Variants in PCED1B observed in about 807,000 individuals in gnomAD.
PCED1B encodes the protein PC-esterase domain-containing protein 1B.
For synonymous variants in PCED1B, 251 were observed against 246.1 expected (o/e 1.02, Z -0.19); for missense variants, 573 against 573.9 (o/e 1.00, Z 0.02).
At chr12:47,112,646 G>T (rs527673910) in intron 2 of PCED1B, among the ~76,000 whole-genome samples, 1 of 152,190 alleles carries the variant, frequency 6.6e-6, no homozygotes, top group Admixed American at 6.5e-5. Flanking sequence ...CTACTTCCAG[G>T]GTACATTATT....
At chr12:47,211,668 A>C (rs1943086061) in intron 2 of PCED1B, among the ~76,000 whole-genome samples, 1 of 150,316 alleles carries the variant, frequency 6.7e-6, no homozygotes, top group Non-Finnish European at 1.5e-5. Context: ...AAAAAAAAAA[A>C]AAAAAAAAAC....
intron 1 of PCED1B, among the ~76,000 whole-genome samples, chr12:47,095,206 T>A (rs1443722070): frequency 2.6e-5 from 4 of 152,062 alleles, no homozygotes; most frequent in Non-Finnish European, 5.9e-5. Flanking sequence ...TTGAAGGATA[T>A]GATTGCAAGA....
At chr12:47,190,531 G>A (rs61927719) in intron 2 of PCED1B, among the ~76,000 whole-genome samples, 16,130 of 152,304 alleles carry the variant, frequency 0.11, 1,119 homozygotes, top group Non-Finnish European at 0.16. Flanking sequence ...ACCAGTTTCA[G>A]TGGGAAACCC....
At chr12:47,171,382 A>G (rs537106770) in intron 2 of PCED1B, among the ~76,000 whole-genome samples, 2 of 152,206 alleles carry the variant, frequency 1.3e-5, no homozygotes, top group South Asian at 4.1e-4. Flanking sequence ...CTACTTTCAA[A>G]TACTTTTTTT....
intron 2 of PCED1B, among the ~76,000 whole-genome samples, chr12:47,123,271 G>A (rs751358765): frequency 7.9e-5 from 12 of 152,056 alleles, no homozygotes; most frequent in Admixed American, 7.2e-4. Context: ...TCATGTTACC[G>A]AACACTAAAA....
chr12:47,170,043 G>A (rs1382725801), intron 2 of PCED1B, among the ~76,000 whole-genome samples: 6 of 151,932 alleles, frequency 3.9e-5, no homozygotes, highest in African/African-American at 4.8e-5. Context: ...GGGCCCTGCC[G>A]CCTTCCACAG....
At chr12:47,115,734 G>T (rs1489969353) in intron 2 of PCED1B, among the ~76,000 whole-genome samples, 2 of 152,190 alleles carry the variant, frequency 1.3e-5, no homozygotes, top group Non-Finnish European at 2.9e-5. Flanking sequence ...GTAATGACAT[G>T]ATGATGGTCT....
chr12:47,219,341 A>G (rs12308612), intron 3 of PCED1B, among the ~76,000 whole-genome samples: 1 of 152,208 alleles, frequency 6.6e-6, no homozygotes, highest in Non-Finnish European at 1.5e-5. Context: ...TAGCACAAAG[A>G]TAAAGTAAGC....
chr12:47,096,668 G>C (rs1399892449), intron 1 of PCED1B, among the ~76,000 whole-genome samples: 1 of 152,210 alleles, frequency 6.6e-6, no homozygotes, highest in African/African-American at 2.4e-5. Context: ...ATTGCTTTAA[G>C]AGAAACCAAT....
chr12:47,133,282 G>A (rs1016448748), intron 2 of PCED1B, among the ~76,000 whole-genome samples: 5 of 152,138 alleles, frequency 3.3e-5, no homozygotes, highest in Admixed American at 1.3e-4. Context: ...TTCTGTGGTA[G>A]GGATTGTACT....
chr12:47,197,399 G>A (rs1042417005), intron 2 of PCED1B, among the ~76,000 whole-genome samples: 1 of 149,132 alleles, frequency 6.7e-6, no homozygotes, highest in Non-Finnish European at 1.5e-5. Flanking sequence ...CTGAGGTCAG[G>A]AGTTTGAGAC....
chr12:47,228,000 A>T (rs1943685296), intron 3 of PCED1B, among the ~76,000 whole-genome samples: 3 of 151,708 alleles, frequency 2.0e-5, no homozygotes, highest in South Asian at 4.2e-4. Context: ...CAGTCTGCAG[A>T]ACTGTGTTTT....
chr12:47,224,038 T>C (rs187582279), intron 3 of PCED1B: 2 of 152,362 alleles, frequency 1.3e-5, no homozygotes, highest in Admixed American at 6.5e-5. Flanking sequence ...CACCACCTTC[T>C]GGTATCTTTC....
At chr12:47,183,796 G>A (rs1043937516) in intron 2 of PCED1B, among the ~76,000 whole-genome samples, 6 of 152,160 alleles carry the variant, frequency 3.9e-5, no homozygotes, top group Non-Finnish European at 5.9e-5. Context: ...TCCTGCACTC[G>A]TAAACTTTTT....
chr12:47,204,878 G>A (rs139030751), intron 2 of PCED1B, among the ~76,000 whole-genome samples: 414 of 152,236 alleles, frequency 2.7e-3, no homozygotes, highest in Non-Finnish European at 4.4e-3. Context: ...AGTTGCCTCC[G>A]TAATCATTTA....
At chr12:47,088,502 C>T (rs1467014238) in intron 1 of PCED1B, among the ~76,000 whole-genome samples, 1 of 152,154 alleles carries the variant, frequency 6.6e-6, no homozygotes, top group Non-Finnish European at 1.5e-5. Flanking sequence ...CCTCAGTGAC[C>T]TTTAGTAGAG....
At chr12:47,226,311 AT>A (rs1412033330) in intron 3 of PCED1B, among the ~76,000 whole-genome samples, 1 of 152,150 alleles carries the variant, frequency 6.6e-6, no homozygotes, top group Non-Finnish European at 1.5e-5. Context: ...ATTTACATAC[AT>A]CCGTTTTAGC....
chr12:47,164,721 T>C (rs1941490631), intron 2 of PCED1B, among the ~76,000 whole-genome samples: 1 of 152,186 alleles, frequency 6.6e-6, no homozygotes, highest in Admixed American at 6.5e-5. Context: ...TTCCATTACA[T>C]CCTCTGAAAT....
chr12:47,109,211 G>A (rs1408605408), intron 2 of PCED1B, among the ~76,000 whole-genome samples: 1 of 152,204 alleles, frequency 6.6e-6, no homozygotes, highest in East Asian at 1.9e-4. Context: ...GGATGTAGAA[G>A]TCCCTGCTTG....
Sources: gnomAD v4.1 joint callset for allele counts (sites outside exome capture counted in the v4.1 genomes callset) on GRCh38, gnomAD v4.1.1 for gene constraint, MANE v1.5 for transcripts, NCBI Gene and HGNC (gene_info 2026-07-23, HGNC 2026-07-21) for gene names.